Variants in EPHA5 observed in about 807,000 individuals in gnomAD.
The protein encoded by EPHA5 is ephrin type-A receptor 5.
A neutral mutation model predicts 105.0 loss-of-function variants in EPHA5; 60 were observed. The observed-to-expected ratio is 0.57, with a 90% CI of 0.46 to 0.71. EPHA5 has a LOEUF of 0.71. EPHA5 is among the 30% of genes least tolerant of loss of function. The probability of loss-of-function intolerance (pLI) is 0.00; values close to 1 mark genes in which losing one functional copy is unlikely to be tolerated. For synonymous variants in EPHA5, 513 were observed against 449.1 expected (o/e 1.14, Z -1.80); for missense variants, 1,218 against 1,274.7 (o/e 0.96, Z 0.68).
intron 8 of EPHA5, among the ~76,000 whole-genome samples, chr4:65,403,460 T>C (rs1722051030): frequency 6.6e-6 from 1 of 152,048 alleles, no homozygotes; most frequent in South Asian, 2.1e-4. Flanking sequence ...TCTATAATGA[T>C]CTAACACCAA....
At chr4:65,665,926 T>C (rs1749929340) in intron 1 of EPHA5, among the ~76,000 whole-genome samples, 4 of 152,124 alleles carry the variant, frequency 2.6e-5, no homozygotes, top group Non-Finnish European at 5.9e-5. Flanking sequence ...GAGGAAATGA[T>C]TTTACTGTCC....
intron 16 of EPHA5, among the ~76,000 whole-genome samples, chr4:65,329,642 T>A (rs1162198448): frequency 6.6e-6 from 1 of 151,308 alleles, no homozygotes; most frequent in Non-Finnish European, 1.5e-5. Context: ...ACAATAACTC[T>A]AAGAATTATA....
At chr4:65,514,541 C>A (rs544997752) in intron 3 of EPHA5, among the ~76,000 whole-genome samples, 3 of 152,092 alleles carry the variant, frequency 2.0e-5, no homozygotes, top group African/African-American at 7.2e-5. Context: ...AGTATTCCAG[C>A]CCCTAGACTT....
chr4:65,436,094 T>C (rs986183200), intron 5 of EPHA5, among the ~76,000 whole-genome samples: 1 of 152,036 alleles, frequency 6.6e-6, no homozygotes, highest in East Asian at 1.9e-4. Flanking sequence ...TTCTTTTCTG[T>C]GAGGTAGATT....
At chr4:65,443,669 C>T (rs1297894769) in intron 5 of EPHA5, among the ~76,000 whole-genome samples, 1 of 152,068 alleles carries the variant, frequency 6.6e-6, no homozygotes, top group African/African-American at 2.4e-5. Context: ...AAAACAATTA[C>T]TAGAGCAGTA....
chr4:65,435,887 T>G (rs1725431068), intron 5 of EPHA5, among the ~76,000 whole-genome samples: 1 of 152,236 alleles, frequency 6.6e-6, no homozygotes, highest in Non-Finnish European at 1.5e-5. Context: ...ACATCTCCAA[T>G]TAAATACCTG....
At chr4:65,646,754 G>C (rs1304194696) in intron 1 of EPHA5, among the ~76,000 whole-genome samples, 1 of 151,826 alleles carries the variant, frequency 6.6e-6, no homozygotes, top group Non-Finnish European at 1.5e-5. Context: ...GCATATTTGG[G>C]GGCCTTCTTT....
At chr4:65,639,288 T>C (rs999783685) in intron 2 of EPHA5, among the ~76,000 whole-genome samples, 2 of 152,226 alleles carry the variant, frequency 1.3e-5, no homozygotes, top group Admixed American at 1.3e-4. Flanking sequence ...TTTGATCATT[T>C]ATAGTTGCAC....
intron 2 of EPHA5, among the ~76,000 whole-genome samples, chr4:65,630,274 G>T (rs577500588): frequency 3.3e-5 from 5 of 152,098 alleles, no homozygotes; most frequent in African/African-American, 1.2e-4. Context: ...AGAGTTGGGC[G>T]GGTGGGCTCA....
chr4:65,669,665 C>T lies in EPHA5; in HGVS notation c.78G>A (p.Ala26=), dbSNP rs372157288. The T allele has an allele frequency of 1.5e-6, 2 of 1,358,552 alleles. No homozygotes were observed. The highest frequency in any genetic ancestry group is 9.5e-7 in the Non-Finnish European group (1 of 1,050,482). The allele number at this position is 1,358,552 out of a possible 1,614,324, so 84.2% of individuals were successfully genotyped here. Residue 26 remains alanine (A), a synonymous_variant, in exon 1 of 17, where the codon GCG becomes GCA. Transcript: ENST00000613740. ...GTGCAGAGTAGCAGCCGGCCAGGGACGCTGGGGTGATGGGGGTGTCGCCGC... is the reference window on the plus strand; with the variant it reads ...GTGCAGAGTAGCAGCCGGCCAGGGATGCTGGGGTGATGGGGGTGTCGCCGC... ...SGGGDTPITP[A]SLAGCYSAPR...
rs2149037068 is a variant in EPHA5 at position 65,420,514 on chromosome 4, A to G, written c.1454T>C (p.Ile485Thr). ...ATCTGGTTCTTGCCAAGACAAAGAGATGCTGTTTTTTGCAATTTTCCCTTT... is the reference window on the plus strand; with the variant it reads ...ATCTGGTTCTTGCCAAGACAAAGAGGTGCTGTTTTTTGCAATTTTCCCTTT... ...VKKGKIAKNS[I>T]SLSWQEPDRP... The change falls in exon 6 of 17, where the codon ATC becomes ACC. Residue 485 changes from isoleucine (I) to threonine (T), a missense_variant. Around this residue, in one of 3 missense-constraint regions of EPHA5, gnomAD observed 971 missense variants for 1,013.5 expected, o/e 0.96. Transcript: ENST00000613740. The G allele has an allele frequency of 6.2e-7, 1 of 1,613,218 alleles. No homozygotes were observed. Among genetic ancestry groups the G allele is most frequent in the Non-Finnish European group, 8.5e-7 (1 of 1,179,540 alleles).
intron 1 of EPHA5, among the ~76,000 whole-genome samples, chr4:65,661,490 T>C (rs1185652697): frequency 3.3e-5 from 5 of 152,198 alleles, no homozygotes; most frequent in African/African-American, 9.6e-5. Context: ...AAGTATCTTC[T>C]ACCTCAGAAG....
At chr4:65,532,421 C>T (rs1023587021) in intron 3 of EPHA5, among the ~76,000 whole-genome samples, 3 of 151,654 alleles carry the variant, frequency 2.0e-5, no homozygotes, top group African/African-American at 4.8e-5. Context: ...AATTCAGGTA[C>T]CAGGTGTTAT....
intron 1 of EPHA5, among the ~76,000 whole-genome samples, chr4:65,654,326 A>G (rs181430375): frequency 2.4e-3 from 363 of 151,926 alleles, no homozygotes; most frequent in African/African-American, 8.4e-3. Flanking sequence ...CAGATAATAT[A>G]TACACAACGG....
chr4:65,507,219 G>A (rs2149252962), intron 3 of EPHA5, among the ~76,000 whole-genome samples: 1 of 152,126 alleles, frequency 6.6e-6, no homozygotes, highest in Admixed American at 6.5e-5. Flanking sequence ...CTGTTCCATT[G>A]GTCTATATCT....
intron 5 of EPHA5, among the ~76,000 whole-genome samples, chr4:65,488,627 G>C (rs1247076191): frequency 6.6e-6 from 1 of 152,074 alleles, no homozygotes; most frequent in Non-Finnish European, 1.5e-5. Flanking sequence ...ACTTCTATTA[G>C]TTTCACCTTA....
At chr4:65,468,611 AT>A (rs1250969829) in intron 5 of EPHA5, among the ~76,000 whole-genome samples, 7 of 112,084 alleles carry the variant, frequency 6.2e-5, no homozygotes, top group Admixed American at 1.0e-4. Flanking sequence ...TATTATATAT[AT>A]TATATATATA....
intron 2 of EPHA5, among the ~76,000 whole-genome samples, chr4:65,616,364 T>C (rs902498198): frequency 6.6e-6 from 1 of 151,524 alleles, no homozygotes; most frequent in Non-Finnish European, 1.5e-5. Flanking sequence ...TGTCTCTGTT[T>C]GGTATCATAC....
chr4:65,612,016 C>CA (rs1167342911), intron 2 of EPHA5, among the ~76,000 whole-genome samples: 638 of 58,064 alleles, frequency 0.011, 49 homozygotes, highest in East Asian at 0.025. Context: ...GACCCTCTCT[C>CA]AAAAAAAAAA....
Sources: allele counts gnomAD v4.1 joint callset (sites outside exome capture counted in the v4.1 genomes callset), GRCh38; gene constraint gnomAD v4.1.1; regional missense constraint gnomAD v4.1.1; transcripts MANE v1.5; gene names NCBI Gene and HGNC (gene_info 2026-07-23, HGNC 2026-07-21).